SLC7A1: variants seen among roughly 807,000 people sequenced by gnomAD.
SLC7A1 encodes high affinity cationic amino acid transporter 1.
A neutral mutation model predicts 53.9 loss-of-function variants in SLC7A1; 10 were observed. The observed-to-expected ratio is 0.19, with a 90% CI of 0.11 to 0.31. The LOEUF is 0.31. Ranked by LOEUF, SLC7A1 falls within the 10% of genes least tolerant of loss-of-function variation. The pLI, the probability that SLC7A1 is intolerant of heterozygous loss-of-function variation, is 1.00. For synonymous variants in SLC7A1, 342 were observed against 338.7 expected (o/e 1.01, Z -0.11); for missense variants, 525 against 827.2 (o/e 0.63, Z 4.48).
chr13:29,581,844 C>T (rs1351212509), intron 1 of SLC7A1, among the ~76,000 whole-genome samples: 4 of 152,216 alleles, frequency 2.6e-5, no homozygotes, highest in Non-Finnish European at 5.9e-5. Context: ...CCACCCCCAG[C>T]CTTCTGGAGG....
At chr13:29,538,513 G>A (rs1040025442) in intron 2 of SLC7A1, among the ~76,000 whole-genome samples, 4 of 152,202 alleles carry the variant, frequency 2.6e-5, no homozygotes, top group African/African-American at 7.2e-5. Flanking sequence ...GGATGCCTGC[G>A]GCTTCCTAGG....
intron 1 of SLC7A1, among the ~76,000 whole-genome samples, chr13:29,567,053 A>G (rs1306880544): frequency 1.3e-5 from 2 of 152,180 alleles, no homozygotes; most frequent in Non-Finnish European, 2.9e-5. Context: ...TTCTGCTTTG[A>G]GAGTTTCACG....
chr13:29,512,611 C>T lies in SLC7A1; in HGVS notation c.*1869G>A, dbSNP rs1883426199. 6.6e-6 allele frequency: 1 copy of T among 152,126 alleles called. No individual in the cohort carries two copies. The highest frequency in any genetic ancestry group is 2.4e-5 in the African/African-American group (1 of 41,436). The allele number at this position is 152,126 out of a possible 1,614,324, so 9.4% of individuals were successfully genotyped here. A position where few individuals can be genotyped will look rare whatever the true frequency, so the allele number is the denominator to read the frequency against. On this transcript the variant is annotated 3_prime_UTR_variant, in exon 13 of 13. Coordinates refer to ENST00000380752, the MANE Select transcript of SLC7A1 (RefSeq NM_003045.5). ...ACCAGGTCCTAAGACAAGAGACAAC[C>T]AAAACCCCAACAAAATAAGTTAGTA...
chr13:29,588,702 C>T (rs1252687673), intron 1 of SLC7A1, among the ~76,000 whole-genome samples: 1 of 152,022 alleles, frequency 6.6e-6, no homozygotes, highest in African/African-American at 2.4e-5. Context: ...ATGAGTTTCA[C>T]CATGTTGGCC....
chr13:29,535,867 G>A lies in SLC7A1; in HGVS notation c.322C>T (p.Leu108Phe). The change falls in exon 3 of 13, where the codon CTC (leucine) becomes TTC (phenylalanine). Residue 108 changes from leucine (L) to phenylalanine (F), a missense_variant. Leu to Phe is a conservative substitution (Grantham distance 22). Around this residue, in one of 4 missense-constraint regions of SLC7A1, gnomAD observed 354 missense variants for 587.5 expected, o/e 0.60. Transcript: ENST00000380752. ...YLYSYVTVGE[L>F]WAFITGWNLI... Reference sequence around the variant, plus strand: ...TTCCAGCCGGTGATGAAGGCCCAGAGCTCTCCAACGGTGACATAGCTGTAG... The same window carrying A: ...TTCCAGCCGGTGATGAAGGCCCAGAACTCTCCAACGGTGACATAGCTGTAG... 1.2e-6 allele frequency: 2 copies of A among 1,614,194 alleles called. No homozygotes were observed. The highest frequency in any genetic ancestry group is 1.7e-6 in the Non-Finnish European group (2 of 1,180,032).
intron 1 of SLC7A1, among the ~76,000 whole-genome samples, chr13:29,561,324 G>T (rs544551033): frequency 2.8e-4 from 43 of 152,260 alleles, no homozygotes; most frequent in African/African-American, 1.0e-3. Context: ...CGCGCTGAGG[G>T]GGTATCAAGA....
At chr13:29,539,749 C>G (rs1869584896) in intron 2 of SLC7A1, among the ~76,000 whole-genome samples, 1 of 152,152 alleles carries the variant, frequency 6.6e-6, no homozygotes, top group African/African-American at 2.4e-5. Flanking sequence ...CAGGAGATTA[C>G]TTTTACCTTG....
At chr13:29,534,506 A>T (rs1869317284) in intron 3 of SLC7A1, among the ~76,000 whole-genome samples, 2 of 152,238 alleles carry the variant, frequency 1.3e-5, no homozygotes, top group Admixed American at 1.3e-4. Flanking sequence ...AGAACCCAGA[A>T]GACTAAGCTA....
chr13:29,545,101 C>A (rs1049759587), intron 2 of SLC7A1, among the ~76,000 whole-genome samples: 3 of 152,186 alleles, frequency 2.0e-5, no homozygotes, highest in Non-Finnish European at 4.4e-5. Context: ...TGACCATCAA[C>A]AACTTGTGAG....
chr13:29,523,179 C>G (rs1868710340), intron 7 of SLC7A1, 87 bp downstream of exon 7: 6 of 1,079,686 alleles, frequency 5.6e-6, no homozygotes, highest in Admixed American at 1.7e-5. Flanking sequence ...CGATGTGTGT[C>G]TCGCATGGCT....
In SLC7A1 at chr13:29,522,321, A is replaced by C; in HGVS notation, c.1185T>G (p.Val395=). 6.2e-7 allele frequency: 1 copy of C among 1,614,206 alleles called. No homozygotes were observed. Among genetic ancestry groups the C allele is most frequent in the Non-Finnish European group, 8.5e-7 (1 of 1,180,018 alleles). ...PIIATLASGA[V]AAVMAFLFDL... ...GAAATGAGTTCTAGTACTCACCAGCAACGGCACCCGAGGCTAATGTGGCGA... is the reference window on the plus strand; with the variant it reads ...GAAATGAGTTCTAGTACTCACCAGCCACGGCACCCGAGGCTAATGTGGCGA... The change falls in exon 8 of 13, where the codon GTT becomes GTG. Residue 395 remains valine (V), a synonymous_variant. Coordinates refer to ENST00000380752, the MANE Select transcript of SLC7A1 (RefSeq NM_003045.5).
At chr13:29,516,808 A>G (rs1004219449) in intron 11 of SLC7A1, 4 of 226,750 alleles carry the variant, frequency 1.8e-5, no homozygotes, top group Non-Finnish European at 3.4e-5. Context: ...TTCATAAAAC[A>G]CTGATCACAA....
At chr13:29,561,842 C>G (rs1870771568) in intron 1 of SLC7A1, among the ~76,000 whole-genome samples, 1 of 152,198 alleles carries the variant, frequency 6.6e-6, no homozygotes, top group African/African-American at 2.4e-5. Context: ...AATGGCTGAC[C>G]ATCCCAGCGG....
In SLC7A1 at chr13:29,576,292, T is replaced by TAAAAAAAAAAAAAAAAAAAAAAAAAAAAA. The variant is rs146432104; in HGVS notation, c.-115+19123_-115+19124insTTTTTTTTTTTTTTTTTTTTTTTTTTTTT. Among the ~76,000 whole-genome samples, 28 of 107,154 alleles carry TAAAAAAAAAAAAAAAAAAAAAAAAAAAAA rather than the reference T, an allele frequency of 2.6e-4. 4 individuals carry two copies. Among genetic ancestry groups the TAAAAAAAAAAAAAAAAAAAAAAAAAAAAA allele is most frequent in the African/African-American group, 1.2e-3 (26 of 21,582 alleles). 70.3% of individuals were successfully genotyped at this position (107,154 alleles called of 152,430 possible). On this transcript the variant is annotated intron_variant, in intron 1 of 12. Transcript: ENST00000380752. ...GGGTATCAGTATGAGATCCTGTTTT[T>TAAAAAAAAAAAAAAAAAAAAAAAAAAAAA]TAAAAAAAAAAAAAAGGAAAGAAAA...
intron 5 of SLC7A1, among the ~76,000 whole-genome samples, chr13:29,529,983 G>T (rs1869077636): frequency 6.6e-6 from 1 of 152,188 alleles, no homozygotes; most frequent in African/African-American, 2.4e-5. Flanking sequence ...GGGTGATGGG[G>T]CCACTGTCGC....
chr13:29,521,489 C>T (rs1038742061), intron 8 of SLC7A1, among the ~76,000 whole-genome samples: 10 of 152,232 alleles, frequency 6.6e-5, no homozygotes, highest in Admixed American at 1.3e-4. Flanking sequence ...GCCCTGGGTG[C>T]ACATCCTCGC....
chr13:29,533,621 C>T (rs980003207), intron 3 of SLC7A1, among the ~76,000 whole-genome samples: 2 of 152,212 alleles, frequency 1.3e-5, no homozygotes, highest in African/African-American at 4.8e-5. Flanking sequence ...TCGGAGGCCA[C>T]AGCATCCCCA....
At chr13:29,572,159 C>T (rs576116130) in intron 1 of SLC7A1, among the ~76,000 whole-genome samples, 14 of 152,332 alleles carry the variant, frequency 9.2e-5, no homozygotes, top group African/African-American at 2.6e-4. Context: ...GCAGCGGCCG[C>T]CTGTGGGTCC....
At chr13:29,528,401 C>T (rs1052489164) in intron 5 of SLC7A1, among the ~76,000 whole-genome samples, 1 of 152,222 alleles carries the variant, frequency 6.6e-6, no homozygotes, top group East Asian at 1.9e-4. Flanking sequence ...CTCCTCTTCA[C>T]AGACCAACAG....
Sources: allele counts gnomAD v4.1 joint callset (sites outside exome capture counted in the v4.1 genomes callset), GRCh38; gene constraint gnomAD v4.1.1; regional missense constraint gnomAD v4.1.1; transcripts MANE v1.5; gene names NCBI Gene and HGNC (gene_info 2026-07-23, HGNC 2026-07-21).